The following DOCK4 variants were observed in gnomAD, a reference collection of about 807,000 sequenced individuals.
The protein encoded by DOCK4 is dedicator of cytokinesis 4, also known as dedicator of cytokinesis protein 4.
Under a neutral mutation model 268.1 loss-of-function variants are expected in DOCK4, and 97 were observed. The observed-to-expected ratio is 0.36, with a 90% CI of 0.31 to 0.43. DOCK4 has a LOEUF of 0.43. Among genes scored for constraint, DOCK4 ranks in the 20% least tolerant of loss-of-function variants. The pLI is 1.00. For synonymous variants in DOCK4, 954 were observed against 887.2 expected, an observed-to-expected ratio of 1.08 and a Z score of -1.34; for missense variants, 2,145 against 2,455.7, an observed-to-expected ratio of 0.87 and a Z score of 2.67.
intron 37 of DOCK4, among the ~76,000 whole-genome samples, chr7:111,767,374 G>T (rs7778675): frequency 1.3e-5 from 2 of 151,572 alleles, no homozygotes; most frequent in Middle Eastern, 3.4e-3. Flanking sequence ...TTACAGGCAC[G>T]CACCACCACA....
chr7:111,872,313 C>T lies in DOCK4; in HGVS notation c.1882G>A (p.Asp628Asn), dbSNP rs867872492. The part of the protein sequence containing the change: ...DTLDTLFGIL[D>N]ENSQKYGSKV... ...GACCCATATTTTTGGGAATTTTCATCTAAAATTCCAAATAAGGTATCCAGT... is the reference window on the plus strand; with the variant it reads ...GACCCATATTTTTGGGAATTTTCATTTAAAATTCCAAATAAGGTATCCAGT... Residue 628 changes from aspartate to asparagine, a missense_variant, in exon 19 of 53, where the codon GAT (aspartate) becomes AAT (asparagine). Physicochemically the swap from Asp to Asn is conservative, Grantham distance 23 (BLOSUM62 1). This residue lies in a region of DOCK4 where 1,598 missense variants were observed against 1,986.7 expected (regional missense o/e 0.80). Coordinates refer to ENST00000428084, the MANE Select transcript of DOCK4 (RefSeq NM_001363540.2). 1.3e-6 allele frequency: 2 copies of T among 1,560,704 alleles called. No homozygotes were observed. Among genetic ancestry groups the T allele is most frequent in the Admixed American group, 1.9e-5 (1 of 52,206 alleles).
intron 1 of DOCK4, among the ~76,000 whole-genome samples, chr7:112,205,031 G>C (rs1159127938): frequency 6.6e-6 from 1 of 152,046 alleles, no homozygotes; most frequent in Non-Finnish European, 1.5e-5. Flanking sequence ...CAGCCTTGTC[G>C]GAGAGCCTGG....
chr7:111,975,660 T>C (rs1277425338), intron 8 of DOCK4, among the ~76,000 whole-genome samples: 1 of 152,166 alleles, frequency 6.6e-6, no homozygotes, highest in Non-Finnish European at 1.5e-5. Context: ...TTGTCCCTGG[T>C]GCACAAAAAC....
At chr7:111,822,695 C>G (rs899595882) in intron 26 of DOCK4, among the ~76,000 whole-genome samples, 6 of 152,160 alleles carry the variant, frequency 3.9e-5, no homozygotes, top group African/African-American at 1.4e-4. Flanking sequence ...GTTTTTATTT[C>G]TCTCCACAGG....
intron 1 of DOCK4, among the ~76,000 whole-genome samples, chr7:112,149,423 A>C (rs891268773): frequency 3.9e-5 from 6 of 152,152 alleles, no homozygotes; most frequent in Admixed American, 6.5e-5. Flanking sequence ...TACCACGCCA[A>C]CATGGGTCTG....
intron 1 of DOCK4, among the ~76,000 whole-genome samples, chr7:112,014,935 A>C (rs775334267): frequency 2.0e-5 from 3 of 152,096 alleles, no homozygotes; most frequent in Non-Finnish European, 4.4e-5. Flanking sequence ...GAAGAAAAGA[A>C]AGGAAGAAAG....
At chr7:112,044,397 T>G (rs1308116826) in intron 1 of DOCK4, among the ~76,000 whole-genome samples, 1 of 152,200 alleles carries the variant, frequency 6.6e-6, no homozygotes, top group Non-Finnish European at 1.5e-5. Flanking sequence ...AGCTTTAGGT[T>G]CTCCATTTCC....
intron 1 of DOCK4, among the ~76,000 whole-genome samples, chr7:112,130,402 T>C (rs1276822577): frequency 6.6e-6 from 1 of 152,222 alleles, no homozygotes; most frequent in Non-Finnish European, 1.5e-5. Context: ...TATTTTAAGA[T>C]GCCTACATTA....
At chr7:111,934,531 T>G (rs908697652) in intron 12 of DOCK4, among the ~76,000 whole-genome samples, 1,802 of 137,510 alleles carry the variant, frequency 0.013, 40 homozygotes, top group African/African-American at 0.05. Flanking sequence ...TTGTTTTTTT[T>G]TTTTTTTTTT....
At chr7:112,054,230 A>C (rs543276939) in intron 1 of DOCK4, among the ~76,000 whole-genome samples, 3 of 152,174 alleles carry the variant, frequency 2.0e-5, no homozygotes, top group Admixed American at 6.5e-5. Flanking sequence ...GAGTACCTCC[A>C]CCTCAGAACT....
chr7:112,128,280 C>A (rs928901435), intron 1 of DOCK4, among the ~76,000 whole-genome samples: 4 of 151,720 alleles, frequency 2.6e-5, no homozygotes, highest in African/African-American at 9.7e-5. Context: ...GCCGCCCCGT[C>A]CGGGAGGGAG....
chr7:111,993,773 A>C (rs1375742356), intron 5 of DOCK4, among the ~76,000 whole-genome samples: 1 of 152,144 alleles, frequency 6.6e-6, no homozygotes, highest in African/African-American at 2.4e-5. Flanking sequence ...AGTATACTTG[A>C]ATTACTTACA....
intron 30 of DOCK4, among the ~76,000 whole-genome samples, chr7:111,793,298 C>T (rs1351339262): frequency 2.0e-5 from 3 of 152,246 alleles, no homozygotes; most frequent in African/African-American, 4.8e-5. Flanking sequence ...TCCCCACAGT[C>T]TATAAGCCAG....
rs540924912 is a variant in DOCK4 at position 112,042,309 on chromosome 7, C to T, written c.38-38178G>A. 2.0e-3 allele frequency among the ~76,000 whole-genome samples: 306 copies of T among 152,172 alleles called. 1 individual carries two copies. The highest frequency in any genetic ancestry group is 6.8e-3 in the African/African-American group (283 of 41,522). On this transcript the variant is annotated intron_variant, in intron 1 of 52. Transcript: ENST00000428084. ...TCCAGAGGAATCAGTGACCAGGAGA[C>T]GAAGACATTGTGCTCCAAGCTCATG... is the stretch of plus-strand genomic sequence containing the variant.
At chr7:111,822,645 C>A (rs1035490932) in intron 26 of DOCK4, among the ~76,000 whole-genome samples, 189 bp from the exon 27 acceptor site, 1 of 152,146 alleles carries the variant, frequency 6.6e-6, no homozygotes, top group South Asian at 2.1e-4. Context: ...TCAAACCCAC[C>A]CAAATGTTTT....
intron 12 of DOCK4, among the ~76,000 whole-genome samples, chr7:111,933,101 T>C (rs1000132236): frequency 7.9e-5 from 11 of 139,460 alleles, no homozygotes; most frequent in Admixed American, 2.1e-4. Flanking sequence ...TATATACACA[T>C]ATATATACGT....
intron 1 of DOCK4, among the ~76,000 whole-genome samples, chr7:112,024,152 T>A (rs1802571404): frequency 6.6e-6 from 1 of 152,200 alleles, no homozygotes; most frequent in Non-Finnish European, 1.5e-5. Flanking sequence ...AATTTTCACA[T>A]AAAATGACTT....
At chr7:112,043,932 T>C (rs888590797) in intron 1 of DOCK4, among the ~76,000 whole-genome samples, 7 of 151,984 alleles carry the variant, frequency 4.6e-5, no homozygotes, top group African/African-American at 1.7e-4. Flanking sequence ...AATGAGTGAC[T>C]TAGAATAATA....
intron 1 of DOCK4, among the ~76,000 whole-genome samples, chr7:112,119,220 GA>G (rs1280553789): frequency 6.6e-6 from 1 of 152,106 alleles, no homozygotes; most frequent in Non-Finnish European, 1.5e-5. Flanking sequence ...ACAGAGAACT[GA>G]ATAAATGGAG....
Sources: allele counts gnomAD v4.1 joint callset (sites outside exome capture counted in the v4.1 genomes callset), GRCh38; gene constraint gnomAD v4.1.1; regional missense constraint gnomAD v4.1.1; transcripts MANE v1.5; gene names NCBI Gene and HGNC (gene_info 2026-07-23, HGNC 2026-07-21).